RPS14: variants seen among roughly 807,000 people sequenced by gnomAD.
RPS14 encodes the protein ribosomal protein S14.
A neutral mutation model predicts 15.4 loss-of-function variants in RPS14; 1 was observed. The ratio of observed to expected loss-of-function variants is 0.07; its 90% CI spans 0.02 to 0.31. The LOEUF (loss-of-function observed/expected upper bound fraction) is 0.31, where lower values mean the gene tolerates loss of function less well. Among genes scored for constraint, RPS14 ranks in the 10% least tolerant of loss-of-function variants. The pLI is 1.00. For missense variants in RPS14, 69 were observed against 205.5 expected (o/e 0.34, Z 4.06); for synonymous variants, 68 against 74.4 (o/e 0.91, Z 0.44).
intron 2 of RPS14, 117 bp from the exon 3 acceptor site, chr5:150,447,080 T>C (rs1381162718): frequency 1.5e-5 from 19 of 1,256,960 alleles, no homozygotes; most frequent in Non-Finnish European, 2.0e-5. Flanking sequence ...TCATGGGCTC[T>C]GCCCTCATGG....
intron 3 of RPS14, among the ~76,000 whole-genome samples, chr5:150,445,975 CCA>C (rs1771081521): frequency 6.6e-6 from 1 of 152,048 alleles, no homozygotes; most frequent in African/African-American, 2.4e-5. Flanking sequence ...ACTAGCAGTC[CCA>C]GCTACTCGGG....
rs116456964 is a variant in RPS14 at position 150,447,824 on chromosome 5, G to A, written c.-2-89C>T. ...GGCTATTAAATGAAACCCTAGTCCT[G>A]CTTCATGTCCCTGTCTTCTTCCATC... On this transcript the variant is annotated intron_variant, in intron 1 of 4. Coordinates refer to ENST00000407193, the MANE Select transcript of RPS14 (RefSeq NM_005617.4). The A allele has an allele frequency of 4.7e-3, 6,407 of 1,365,506 alleles. 229 individuals are homozygous for A. In the African/African-American group the frequency reaches 0.081, roughly 17 times the overall value. 84.6% of individuals were successfully genotyped at this position (1,365,506 alleles called of 1,614,324 possible).
At chr5:150,445,451 ATTT>A (rs1182212750) in intron 4 of RPS14, 155 bp downstream of exon 4, 1 of 727,840 alleles carries the variant, frequency 1.4e-6, no homozygotes, top group African/African-American at 1.7e-5. Flanking sequence ...TCAGGGAGAG[ATTT>A]TTAAGTCACA....
chr5:150,446,862 C>T lies in RPS14; in HGVS notation c.251G>A (p.Arg84Lys). ...GGCGGTGATACCCAGCTCCTTGCAC[C>T]TCTGGGCCACATCCTGGGCAGCCAA... Reference protein sequence around the residue: ...AMLAAQDVAQRCKELGITALH... With the variant: ...AMLAAQDVAQKCKELGITALH... The change falls in exon 3 of 5, where the codon AGG becomes AAG. Residue 84 changes from arginine (R) to lysine (K), a missense_variant. Physicochemically the swap from Arg to Lys is conservative, Grantham distance 26. Transcript: ENST00000407193. The surrounding 1 kb of genome is among the most constrained non-coding windows in gnomAD (Gnocchi z 4.2). 1.2e-6 allele frequency: 2 copies of T among 1,614,168 alleles called. No homozygotes were observed. Among genetic ancestry groups the T allele is most frequent in the Non-Finnish European group, 1.7e-6 (2 of 1,180,014 alleles).
At chr5:150,445,505 A>T (rs765581816) in intron 4 of RPS14, 104 bp downstream of exon 4, 4 of 1,130,814 alleles carry the variant, frequency 3.5e-6, no homozygotes, top group Admixed American at 3.5e-5. Context: ...TTAACTGCCA[A>T]AAGTGACCAG....
Position 150,444,230 on chromosome 5 carries a change from T to C in RPS14, c.*56A>G. ...CTGATGAAGGAGAGAAGGCTGGAGTTGAAACAGTTTACATGAAGGCAATTT... is the reference window on the plus strand; with the variant it reads ...CTGATGAAGGAGAGAAGGCTGGAGTCGAAACAGTTTACATGAAGGCAATTT... On this transcript the variant is annotated 3_prime_UTR_variant, in exon 5 of 5. Transcript: ENST00000407193. 1 of 1,567,456 alleles carries C rather than the reference T, an allele frequency of 6.4e-7. No individual in the cohort carries two copies. Among genetic ancestry groups the C allele is most frequent in the Non-Finnish European group, 8.7e-7 (1 of 1,153,530 alleles).
chr5:150,447,283 G>A (rs957379643), intron 2 of RPS14: 37 of 524,396 alleles, frequency 7.1e-5, no homozygotes, highest in Middle Eastern at 5.0e-4. Flanking sequence ...AATGGCCGTC[G>A]AACCCGCACC....
chr5:150,444,272 T>C lies in RPS14; in HGVS notation c.*14A>G. The C allele has an allele frequency of 6.2e-7, 1 of 1,605,608 alleles. No homozygotes were observed. Among genetic ancestry groups the C allele is most frequent in the Middle Eastern group, 1.7e-4 (1 of 6,030 alleles). On this transcript the variant is annotated 3_prime_UTR_variant, in exon 5 of 5. Coordinates refer to ENST00000407193, the MANE Select transcript of RPS14 (RefSeq NM_005617.4). Reference sequence around the variant, plus strand: ...AGGCAATTTATTAACAGAAAATATTTTGAGGAATCTTGTTCACAGACGGCG... The same window carrying C: ...AGGCAATTTATTAACAGAAAATATTCTGAGGAATCTTGTTCACAGACGGCG...
chr5:150,447,399 G>A, intron 2 of RPS14, 186 bp downstream of exon 2: 1 of 648,012 alleles, frequency 1.5e-6, no homozygotes, highest in South Asian at 1.9e-5. Context: ...TAAGGACGAA[G>A]AATGTGTCTC....
At position 150,444,373 on chromosome 5, in the gene RPS14, G is replaced by T. The variant is rs772117618; in HGVS notation, c.389-20C>A. On this transcript the variant is annotated intron_variant, in intron 4 of 4. Transcript: ENST00000407193. ...CATCCTCTGTGGGGAGGAAGAGAAA[G>T]CGTCATTGCCTGGAGCTGGATGGGA... The T allele has an allele frequency of 3.7e-5, 59 of 1,603,706 alleles. No homozygotes were observed. Among genetic ancestry groups the T allele is most frequent in the Non-Finnish European group, 4.7e-5 (55 of 1,172,702 alleles).
Position 150,444,071 on chromosome 5 carries a change from G to C in RPS14, c.*215C>G. The C allele has an allele frequency of 1.4e-5, 8 of 576,060 alleles. No individual in the cohort carries two copies. In the South Asian group the frequency reaches 2.3e-4, roughly 17 times the overall value. 35.7% of individuals were successfully genotyped at this position (576,060 alleles called of 1,614,324 possible). A position where few individuals can be genotyped will look rare whatever the true frequency, so the allele number is the denominator to read the frequency against. On this transcript the variant is annotated 3_prime_UTR_variant, in exon 5 of 5. Transcript: ENST00000407193. ...GTCTCCAACGCCTTGGTCTGCTTTA[G>C]ATGACCAAGGCAACTTAATGCCGCA...
At chr5:150,444,571 G>A in intron 4 of RPS14, 1 of 676,468 alleles carries the variant, frequency 1.5e-6, no homozygotes, top group Non-Finnish European at 2.7e-6. Flanking sequence ...AAGGGAAACA[G>A]GCTGAGCTGT....
intron 1 of RPS14, chr5:150,448,331 A>G (rs979188762): frequency 1.3e-5 from 2 of 152,416 alleles, no homozygotes; most frequent in African/African-American, 4.8e-5. Context: ...AAATATATCC[A>G]AAAGGCAGGC....
In RPS14 at chr5:150,446,828, G is replaced by C. The variant is rs1261795580; in HGVS notation, c.285C>G (p.Ile95Met). Reference sequence around the variant, plus strand: ...TATTTCCTCCTGTGGCCCGGAGTTTGATGTGTAGGGCGGTGATACCCAGCT... The same window carrying C: ...TATTTCCTCCTGTGGCCCGGAGTTTCATGTGTAGGGCGGTGATACCCAGCT... ...CKELGITALH[I>M]KLRATGGNRT... Residue 95 changes from isoleucine (I) to methionine (M), a missense_variant, in exon 3 of 5, where the codon ATC (isoleucine) becomes ATG (methionine). Transcript: ENST00000407193. This position sits in a 1 kb window ranked among gnomAD's most constrained non-coding sequence, Gnocchi z 4.2. The C allele has an allele frequency of 6.2e-7, 1 of 1,613,982 alleles. No homozygotes were observed. The highest frequency in any genetic ancestry group is 1.3e-5 in the African/African-American group (1 of 74,918).
chr5:150,446,721 C>A lies in RPS14; in HGVS notation c.311+81G>T. 6.7e-7 allele frequency: 1 copy of A among 1,499,674 alleles called. No homozygotes were observed. The highest frequency in any genetic ancestry group is 1.3e-5 in the South Asian group (1 of 79,550). The allele number at this position is 1,499,674 out of a possible 1,614,324, so 92.9% of individuals were successfully genotyped here. The stretch of plus-strand genomic sequence containing the variant: ...TCTTGTTCAAGGTCACAACAAAAAA[C>A]CCAAACCTCAAATCCAGGTGCTCCA... On this transcript the variant is annotated intron_variant, in intron 3 of 4. Coordinates refer to ENST00000407193, the MANE Select transcript of RPS14 (RefSeq NM_005617.4). The surrounding 1 kb of genome is among the most constrained non-coding windows in gnomAD (Gnocchi z 4.2).
intron 4 of RPS14, chr5:150,444,749 T>C (rs1771039140): frequency 2.3e-6 from 1 of 434,140 alleles, no homozygotes; most frequent in Admixed American, 2.5e-5. Flanking sequence ...CTGGGCGCGG[T>C]GGCTCATGCC....
chr5:150,444,944 G>A (rs1215406970), intron 4 of RPS14, among the ~76,000 whole-genome samples: 2 of 151,994 alleles, frequency 1.3e-5, no homozygotes, highest in Non-Finnish European at 2.9e-5. Context: ...GGACAGATCC[G>A]CCCACGAGGC....
At chr5:150,444,993 A>G (rs1242397154) in intron 4 of RPS14, among the ~76,000 whole-genome samples, 1 of 152,234 alleles carries the variant, frequency 6.6e-6, no homozygotes, top group Non-Finnish European at 1.5e-5. Context: ...ACTGAATTCC[A>G]GCCCACGCAA....
chr5:150,448,455 G>C (rs898979060), intron 1 of RPS14: 1 of 152,220 alleles, frequency 6.6e-6, no homozygotes, highest in African/African-American at 2.4e-5. Flanking sequence ...AAGGGAGAGA[G>C]AAACTGACAG....
Sources: gnomAD v4.1 joint callset for allele counts (sites outside exome capture counted in the v4.1 genomes callset) on GRCh38, gnomAD v4.1.1 for gene constraint, Gnocchi (gnomAD v3.1) non-coding constraint, MANE v1.5 for transcripts, NCBI Gene and HGNC (gene_info 2026-07-23, HGNC 2026-07-21) for gene names.